Variants in TENM1 observed in about 807,000 individuals in gnomAD.
TENM1 encodes teneurin-1.
TENM1 carries 35 observed loss-of-function variants against 174.8 expected under a neutral mutation model. That is an observed-to-expected ratio of 0.20 (90% CI 0.15 to 0.27). TENM1 has a LOEUF of 0.27. Among genes scored for constraint, TENM1 ranks in the 10% least tolerant of loss-of-function variants. The pLI is 1.00. For missense variants in TENM1, 1,633 were observed against 2,130.1 expected, an observed-to-expected ratio of 0.77 and a Z score of 4.59; for synonymous variants, 781 against 798.7, an observed-to-expected ratio of 0.98 and a Z score of 0.37.
At chrX:124,772,139 CT>C (rs749191893) in intron 3 of TENM1, among the ~76,000 whole-genome samples, 20 of 105,614 alleles carry the variant, frequency 1.9e-4, no homozygotes, top group African/African-American at 2.7e-4. Flanking sequence ...TATATTCTTT[CT>C]TTTTTTTTTT....
chrX:124,809,229 A>T (rs747465839), intron 3 of TENM1, among the ~76,000 whole-genome samples: 2 of 111,937 alleles, frequency 1.8e-5, no homozygotes, highest in East Asian at 5.6e-4. Context: ...GATACATTCA[A>T]TTCAATTATT....
chrX:124,379,541 G>C (rs948525393), exon 32 of TENM1: 1 of 111,968 alleles, frequency 8.9e-6, no homozygotes, highest in African/African-American at 3.3e-5. Context: ...AATTTCTGCA[G>C]TAGTAGTTAA....
At chrX:125,037,097 G>T in the TENM1 span, among the ~76,000 whole-genome samples, 2 of 111,606 alleles carry the variant, frequency 1.8e-5, no homozygotes, top group Non-Finnish European at 3.8e-5. Context: ...TTGATTCAAT[G>T]AGATTCATTT....
At chrX:125,174,684 A>T in the TENM1 span, among the ~76,000 whole-genome samples, 1 of 111,632 alleles carries the variant, frequency 9.0e-6, no homozygotes, top group African/African-American at 3.3e-5. Flanking sequence ...CCATATCTAA[A>T]GGCCCAATCC....
chrX:124,921,254 TA>T (rs2058017004), intron 1 of TENM1, among the ~76,000 whole-genome samples: 1 of 110,471 alleles, frequency 9.1e-6, no homozygotes, highest in Admixed American at 9.7e-5. Context: ...AAGACAAAAT[TA>T]ATAAATAACT....
chrX:124,460,186 TA>T (rs976896246), intron 22 of TENM1, among the ~76,000 whole-genome samples: 2 of 111,773 alleles, frequency 1.8e-5, no homozygotes, highest in African/African-American at 6.5e-5. Context: ...CTTAAAGACC[TA>T]AAGACAGAAA....
At chrX:125,084,926 G>A in the TENM1 span, among the ~76,000 whole-genome samples, 1 of 111,013 alleles carries the variant, frequency 9.0e-6, no homozygotes, top group Admixed American at 9.6e-5. Context: ...TTTTTTATAT[G>A]CCTACTTGGG....
the TENM1 span, among the ~76,000 whole-genome samples, chrX:125,133,522 C>A: frequency 9.0e-6 from 1 of 111,651 alleles, no homozygotes; most frequent in African/African-American, 3.3e-5. Context: ...TTTAAGCATG[C>A]ACAGAGGAAT....
At chrX:124,592,330 G>T (rs2049768811) in intron 11 of TENM1, among the ~76,000 whole-genome samples, 1 of 110,717 alleles carries the variant, frequency 9.0e-6, no homozygotes, top group Non-Finnish European at 1.9e-5. Flanking sequence ...CAAAACTCTT[G>T]TGCTGGTTCC....
At chrX:124,618,967 T>C (rs1172968245) in intron 11 of TENM1, among the ~76,000 whole-genome samples, 1 of 111,308 alleles carries the variant, frequency 9.0e-6, no homozygotes, top group Non-Finnish European at 1.9e-5. Context: ...CTTGTAGTCC[T>C]AGCTACTCAG....
chrX:124,709,349 C>T (rs2052989043), intron 4 of TENM1, among the ~76,000 whole-genome samples: 1 of 111,146 alleles, frequency 9.0e-6, no homozygotes, highest in Non-Finnish European at 1.9e-5. Context: ...AAACAATATA[C>T]TATAACATAG....
chrX:124,819,488 G>A (rs927893172), intron 3 of TENM1, among the ~76,000 whole-genome samples: 4 of 110,826 alleles, frequency 3.6e-5, no homozygotes, highest in Admixed American at 9.6e-5. Context: ...TAGATCATAC[G>A]GTCTCAGTGG....
At position 124,731,870 on chromosome X, in the gene TENM1, G is replaced by A. The variant is rs146169538; in HGVS notation, c.776+5087C>T. Among the ~76,000 whole-genome samples, 87 of 111,656 alleles carry A rather than the reference G, an allele frequency of 7.8e-4. No individual in the cohort carries two copies. The East Asian group carries it at 0.023, about 30-fold the overall frequency. On this transcript the variant is annotated intron_variant, in intron 4 of 31. Coordinates refer to ENST00000422452, the Ensembl canonical transcript of TENM1. The stretch of plus-strand genomic sequence containing the variant: ...GCTATGAACAAGATGGAGAAATGTG[G>A]GTTGTTAGTAAAAGAATGTTGCCTA...
At chrX:124,980,243 GT>G in the TENM1 span, among the ~76,000 whole-genome samples, 1 of 111,169 alleles carries the variant, frequency 9.0e-6, no homozygotes. Context: ...AGAAAGGGGA[GT>G]TGAGTGGCTT....
chrX:124,582,688 A>G (rs1423488143), intron 11 of TENM1, among the ~76,000 whole-genome samples: 2 of 111,829 alleles, frequency 1.8e-5, no homozygotes, highest in Non-Finnish European at 3.8e-5. Flanking sequence ...TGGGCGCAGG[A>G]CAGTGGGTGC....
At chrX:124,631,480 T>C (rs996401820) in intron 11 of TENM1, among the ~76,000 whole-genome samples, 1 of 111,299 alleles carries the variant, frequency 9.0e-6, no homozygotes, top group African/African-American at 3.3e-5. Context: ...CTAAGGGAAC[T>C]TCCAAAAGGA....
At chrX:124,931,866 C>T (rs1305169437) in intron 1 of TENM1, among the ~76,000 whole-genome samples, 4 of 99,119 alleles carry the variant, frequency 4.0e-5, no homozygotes, top group Non-Finnish European at 8.5e-5. Flanking sequence ...GGACGCCAAG[C>T]GCACGCACAC....
intron 20 of TENM1, 111 bp downstream of exon 23, chrX:124,496,905 A>G: frequency 1.2e-6 from 1 of 806,073 alleles, no homozygotes; most frequent in Non-Finnish European, 1.8e-6. Context: ...TCAGTGCTAC[A>G]ATAGGGGCAA....
intron 1 of TENM1, among the ~76,000 whole-genome samples, chrX:124,925,362 T>C (rs1376893400): frequency 9.0e-6 from 1 of 111,292 alleles, no homozygotes; most frequent in Non-Finnish European, 1.9e-5. Flanking sequence ...AACTAAAACA[T>C]GGACTTCTAA....
Sources: allele counts gnomAD v4.1 joint callset (sites outside exome capture counted in the v4.1 genomes callset), GRCh38; gene constraint gnomAD v4.1.1; transcripts MANE v1.5; gene names NCBI Gene and HGNC (gene_info 2026-07-23, HGNC 2026-07-21).